OTUD3: variants seen among roughly 807,000 people sequenced by gnomAD.
The protein encoded by OTUD3 is OTU domain-containing protein 3.
OTUD3 carries 24 observed loss-of-function variants against 46.2 expected under a neutral mutation model. The ratio of observed to expected loss-of-function variants is 0.52; its 90% CI spans 0.38 to 0.73. The LOEUF is 0.73. Among genes scored for constraint, OTUD3 ranks in the 30% least tolerant of loss-of-function variants. The probability of loss-of-function intolerance (pLI) is 0.00; values close to 1 mark genes in which losing one functional copy is unlikely to be tolerated. For synonymous variants in OTUD3, 189 were observed against 195.4 expected (o/e 0.97, Z 0.27); for missense variants, 455 against 523.3 (o/e 0.87, Z 1.27).
intron 1 of OTUD3, among the ~76,000 whole-genome samples, chr1:19,889,589 A>T (rs939360303): frequency 6.6e-6 from 1 of 152,234 alleles, no homozygotes; most frequent in Non-Finnish European, 1.5e-5. Flanking sequence ...GTCTCTGTGT[A>T]TCTAAGCCTC....
intron 4 of OTUD3, among the ~76,000 whole-genome samples, 154 bp from the exon 5 acceptor site, chr1:19,904,113 A>G (rs747385560): frequency 6.6e-6 from 1 of 152,216 alleles, no homozygotes; most frequent in Non-Finnish European, 1.5e-5. Flanking sequence ...AGTGGATAAA[A>G]TGGAGCCTAG....
chr1:19,890,442 C>G lies in OTUD3; in HGVS notation c.279C>G (p.Leu93=), dbSNP rs766389661. Residue 93 remains leucine, a synonymous_variant, in exon 2 of 8, where the codon CTC becomes CTG. Transcript: ENST00000375120. The part of the protein sequence containing the change: ...DQLEGHSRNH[L]KHRQETVDYM... ...TGGAGGGACACTCACGAAATCATCT[C>G]AAGCACAGACAGGAGACAGTGGACT... is the stretch of plus-strand genomic sequence containing the variant. The G allele has an allele frequency of 1.9e-6, 3 of 1,613,950 alleles. No individual in the cohort carries two copies. Among genetic ancestry groups the G allele is most frequent in the Admixed American group, 3.3e-5 (2 of 60,020 alleles).
chr1:19,905,081 G>C (rs2045640181), intron 6 of OTUD3, 94 bp downstream of exon 6: 1 of 726,754 alleles, frequency 1.4e-6, no homozygotes, highest in Non-Finnish European at 2.4e-6. Flanking sequence ...GGTGGTAACT[G>C]TTCTGTCATT....
chr1:19,886,772 A>G (rs975363571), intron 1 of OTUD3, among the ~76,000 whole-genome samples: 3 of 152,156 alleles, frequency 2.0e-5, no homozygotes, highest in African/African-American at 7.2e-5. Flanking sequence ...CTGGGCCCCA[A>G]CCCCAGAATG....
In OTUD3 at chr1:19,882,438, C is replaced by G; in HGVS notation, c.-76C>G. ...GGCTCCGTTGCCCGCGCTGTTTTACCTTCCCAACGCTTGAGGCGGACGCTG... is the reference window on the plus strand; with the variant it reads ...GGCTCCGTTGCCCGCGCTGTTTTACGTTCCCAACGCTTGAGGCGGACGCTG... On this transcript the variant is annotated 5_prime_UTR_variant, in exon 1 of 8. Coordinates refer to ENST00000375120, the MANE Select transcript of OTUD3 (RefSeq NM_015207.2). The G allele has an allele frequency of 1.5e-6, 2 of 1,310,216 alleles. No homozygotes were observed. Among genetic ancestry groups the G allele is most frequent in the South Asian group, 2.2e-5 (1 of 44,630 alleles). The allele number at this position is 1,310,216 out of a possible 1,614,324, so 81.2% of individuals were successfully genotyped here.
rs2045717254 is a variant in OTUD3, at chr1:19,910,165, G to A, written c.*2419G>A. ...GGCCCAGTATGTCTAGTCCTGGGAT[G>A]ACTGTTGTCAGCAGCTGTTACTCTA... On this transcript the variant is annotated 3_prime_UTR_variant, in exon 8 of 8. Transcript: ENST00000375120. 6.6e-6 allele frequency: 1 copy of A among 152,354 alleles called. No individual in the cohort carries two copies. The highest frequency in any genetic ancestry group is 2.4e-5 in the African/African-American group (1 of 41,452). The allele number at this position is 152,354 out of a possible 1,614,324, so 9.4% of individuals were successfully genotyped here.
At chr1:19,893,091 G>A (rs188894697) in intron 2 of OTUD3, among the ~76,000 whole-genome samples, 1 of 152,194 alleles carries the variant, frequency 6.6e-6, no homozygotes, top group African/African-American at 2.4e-5. Flanking sequence ...TTGGGTATTA[G>A]CTTAGTTGTC....
chr1:19,890,330 T>C, intron 1 of OTUD3, 55 bp from the exon 2 acceptor site: 3 of 1,550,582 alleles, frequency 1.9e-6, no homozygotes, highest in Non-Finnish European at 2.7e-6. Flanking sequence ...ATCATTGTTT[T>C]AGACGAACTA....
At position 19,911,103 on chromosome 1, in the gene OTUD3, C is replaced by G. The variant is rs567686573; in HGVS notation, c.*3357C>G. On this transcript the variant is annotated 3_prime_UTR_variant, in exon 8 of 8. Transcript: ENST00000375120. ...GTTACCCTGACCAAAAGGATCTCTG[C>G]GGGGGGAAGAGAATGGAGCTTCCTG... 3 of 152,220 alleles carry G rather than the reference C, an allele frequency of 2.0e-5. No individual in the cohort carries two copies. The highest frequency in any genetic ancestry group is 4.8e-5 in the African/African-American group (2 of 41,388). The allele number at this position is 152,220 out of a possible 1,614,324, so 9.4% of individuals were successfully genotyped here.
At chr1:19,889,338 C>T (rs2045416191) in intron 1 of OTUD3, among the ~76,000 whole-genome samples, 1 of 151,976 alleles carries the variant, frequency 6.6e-6, no homozygotes, top group Admixed American at 6.5e-5. Context: ...AGATTCCAGC[C>T]TTTCTATAGC....
rs1168740408 is a variant in OTUD3 at position 19,912,191 on chromosome 1, T to C, written c.*4445T>C. ...GCCAGTCCTTGCGGCTGGCGGCGAT[T>C]GCCGGACAGACTCTCTGTGGCCTGG... On this transcript the variant is annotated 3_prime_UTR_variant, in exon 8 of 8. Transcript: ENST00000375120. 1 of 152,380 alleles carries C rather than the reference T, an allele frequency of 6.6e-6. No individual in the cohort carries two copies. Among genetic ancestry groups the C allele is most frequent in the Non-Finnish European group, 1.5e-5 (1 of 68,066 alleles). The allele number at this position is 152,380 out of a possible 1,614,324, so 9.4% of individuals were successfully genotyped here.
At chr1:19,883,352 G>A (rs914600471) in intron 1 of OTUD3, among the ~76,000 whole-genome samples, 2 of 152,168 alleles carry the variant, frequency 1.3e-5, no homozygotes, top group African/African-American at 4.8e-5. Context: ...TTTCTTTAGG[G>A]AACGCGGAGG....
At chr1:19,891,161 A>G (rs985225580) in intron 2 of OTUD3, among the ~76,000 whole-genome samples, 3 of 152,220 alleles carry the variant, frequency 2.0e-5, no homozygotes, top group Admixed American at 1.3e-4. Context: ...AAATCATGTT[A>G]ATTTCTCACC....
chr1:19,890,254 A>T (rs1479009919), intron 1 of OTUD3, 131 bp from the exon 2 acceptor site: 2 of 831,448 alleles, frequency 2.4e-6, no homozygotes, highest in African/African-American at 1.7e-5. Flanking sequence ...AGAATCCTGG[A>T]CTATTAGAGT....
chr1:19,907,645 G>A lies in OTUD3; in HGVS notation c.1096G>A (p.Ala366Thr). ...GCAGGAGGAGAGGCACCGCCACAAA[G>A]CCCTGGAGAGCAGAGGTAGCCACAG... ...KRQEERHRHK[A>T]LESRGSHRDN... The change falls in exon 8 of 8, where the codon GCC (alanine) becomes ACC (threonine). Residue 366 changes from alanine to threonine, a missense_variant. Coordinates refer to ENST00000375120, the MANE Select transcript of OTUD3 (RefSeq NM_015207.2). The A allele has an allele frequency of 6.2e-7, 1 of 1,614,216 alleles. No individual in the cohort carries two copies. The highest frequency in any genetic ancestry group is 2.2e-5 in the East Asian group (1 of 44,882).
In OTUD3 at chr1:19,897,672, G is replaced by C; in HGVS notation, c.606+10G>C. ...ACATCTCCAGACGGATGTGAGTGAG[G>C]CCTCGGATTTCTCCCGTATTCCCCG... On this transcript the variant is annotated intron_variant, in intron 4 of 7. Transcript: ENST00000375120. 6.2e-7 allele frequency: 1 copy of C among 1,610,664 alleles called. No individual in the cohort carries two copies. Among genetic ancestry groups the C allele is most frequent in the Non-Finnish European group, 8.5e-7 (1 of 1,178,574 alleles).
chr1:19,894,847 C>G (rs2100277943), intron 3 of OTUD3, among the ~76,000 whole-genome samples: 1 of 152,242 alleles, frequency 6.6e-6, no homozygotes, highest in East Asian at 1.9e-4. Flanking sequence ...CTGTTAATTC[C>G]CCACCCACTC....
Position 19,890,541 on chromosome 1 carries a change from C to T in OTUD3, c.370+8C>T. ...TTCCTTTTGAGAAGCATGGTAGGTT[C>T]ACTGTGGGACATTGTGTCCTTCAGG... On this transcript the variant is annotated splice_region_variant and intron_variant, in intron 2 of 7. Transcript: ENST00000375120. The T allele has an allele frequency of 1.2e-6, 2 of 1,612,960 alleles. No homozygotes were observed. The highest frequency in any genetic ancestry group is 1.7e-6 in the Non-Finnish European group (2 of 1,179,042).
At chr1:19,890,871 G>A (rs796336026) in intron 2 of OTUD3, among the ~76,000 whole-genome samples, 2 of 152,302 alleles carry the variant, frequency 1.3e-5, no homozygotes, top group East Asian at 1.9e-4. Context: ...AGTAGGAAAA[G>A]TCTGGAAAGA....
Sources: allele counts gnomAD v4.1 joint callset (sites outside exome capture counted in the v4.1 genomes callset), GRCh38; gene constraint gnomAD v4.1.1; transcripts MANE v1.5; gene names NCBI Gene and HGNC (gene_info 2026-07-23, HGNC 2026-07-21).